Variants in TSPAN3 observed in about 807,000 individuals in gnomAD.
The protein encoded by TSPAN3 is tetraspanin 3.
TSPAN3 carries 9 observed loss-of-function variants against 31.1 expected under a neutral mutation model. The ratio of observed to expected loss-of-function variants is 0.29; its 90% CI spans 0.17 to 0.50. The LOEUF (loss-of-function observed/expected upper bound fraction) is 0.50. Ranked by LOEUF, TSPAN3 falls within the 20% of genes least tolerant of loss-of-function variation. The pLI is 0.98. For missense variants in TSPAN3, 252 were observed against 313.5 expected, an observed-to-expected ratio of 0.80 and a Z score of 1.48; for synonymous variants, 129 against 114.3, an observed-to-expected ratio of 1.13 and a Z score of -0.82.
At position 77,052,396 on chromosome 15, in the gene TSPAN3, C is replaced by G. The variant is rs2152695670; in HGVS notation, c.658G>C (p.Ala220Pro). Residue 220 changes from alanine to proline, a missense_variant, in exon 6 of 7, where the codon GCA (alanine) becomes CCA (proline). By Grantham distance (27) the Ala-to-Pro change is conservative. Coordinates refer to ENST00000267970, the MANE Select transcript of TSPAN3 (RefSeq NM_005724.6). ...MHVIWAALAFAAIQLLGMLCA... is the reference protein window; with the variant it reads ...MHVIWAALAFPAIQLLGMLCA... ...CAAGCTGTGCTTACCTGAATAGCTG[C>G]AAATGCCAGTGCGGCCCAGATCACA... 2 of 1,614,194 alleles carry G rather than the reference C, an allele frequency of 1.2e-6. No homozygotes were observed. Among genetic ancestry groups the G allele is most frequent in the Non-Finnish European group, 1.7e-6 (2 of 1,180,030 alleles).
chr15:77,053,779 C>CT (rs879353380), intron 4 of TSPAN3, among the ~76,000 whole-genome samples: 11 of 151,812 alleles, frequency 7.2e-5, no homozygotes, highest in Non-Finnish European at 8.8e-5. Flanking sequence ...TCCATAACAA[C>CT]TTTTTTTTGA....
chr15:77,058,432 G>T (rs1234459318), intron 1 of TSPAN3, among the ~76,000 whole-genome samples: 1 of 152,176 alleles, frequency 6.6e-6, no homozygotes, highest in Non-Finnish European at 1.5e-5. Flanking sequence ...GGAACTCCTT[G>T]TCGCTCATTA....
chr15:77,057,039 G>A (rs1371999292), intron 1 of TSPAN3, among the ~76,000 whole-genome samples: 1 of 152,202 alleles, frequency 6.6e-6, no homozygotes, highest in East Asian at 1.9e-4. Context: ...AAGACCTAAA[G>A]GGAAAGTGAA....
In TSPAN3 at chr15:77,046,119, A is replaced by C; in HGVS notation, c.*716T>G. 1 of 308,858 alleles carries C rather than the reference A, an allele frequency of 3.2e-6. No individual in the cohort carries two copies. The highest frequency in any genetic ancestry group is 5.0e-5 in the East Asian group (1 of 19,836). The allele number at this position is 308,858 out of a possible 1,614,324, so 19.1% of individuals were successfully genotyped here. On this transcript the variant is annotated 3_prime_UTR_variant, in exon 7 of 7. Transcript: ENST00000267970. ...CTATTTTGCTAGTCTACATGGGTAC[A>C]TTATTTCCAACAAGCTTAAGACTTA...
At position 77,069,428 on chromosome 15, in the gene TSPAN3, T is replaced by A. The variant is rs555227423; in HGVS notation, c.63+1464A>T. Among the ~76,000 whole-genome samples, 14 of 152,238 alleles carry A rather than the reference T, an allele frequency of 9.2e-5. No individual in the cohort carries two copies. In the South Asian group the frequency reaches 1.5e-3, roughly 16 times the overall value. On this transcript the variant is annotated intron_variant, in intron 1 of 6. Coordinates refer to ENST00000267970, the MANE Select transcript of TSPAN3 (RefSeq NM_005724.6). The stretch of plus-strand genomic sequence containing the variant: ...TATATGTGCATTTCATTCTTCACAA[T>A]AAACTCAAGAAACTGAAAAAATAAA...
Position 77,070,921 on chromosome 15 carries a change from C to T in TSPAN3, c.34G>A (p.Val12Met), listed in dbSNP as rs111428129. 5,652 of 1,435,182 alleles carry T rather than the reference C, an allele frequency of 3.9e-3. 30 individuals are homozygous for T. Among genetic ancestry groups the T allele is most frequent in the Non-Finnish European group, 4.0e-3 (4,301 of 1,085,250 alleles). 88.9% of individuals were successfully genotyped at this position (1,435,182 alleles called of 1,614,324 possible). The change falls in exon 1 of 7, where the codon GTG (valine) becomes ATG (methionine). Residue 12 changes from valine to methionine, a missense_variant. By Grantham distance (21) the Val-to-Met change is conservative. Coordinates refer to ENST00000267970, the MANE Select transcript of TSPAN3 (RefSeq NM_005724.6). ...AAGATGAGGTTGAGAAAGACCAGCA[C>T]GGTCTTGGAGGAGGTGATGCCGCAC... ...GQCGITSSKT[V>M]LVFLNLIFWG...
At chr15:77,070,327 T>C (rs1474212049) in intron 1 of TSPAN3, among the ~76,000 whole-genome samples, 1 of 152,218 alleles carries the variant, frequency 6.6e-6, no homozygotes, top group Non-Finnish European at 1.5e-5. Context: ...CAATGGATTA[T>C]TTGGCTCCTC....
intron 4 of TSPAN3, 63 bp from the exon 5 acceptor site, chr15:77,052,992 T>C (rs1440241702): frequency 4.0e-6 from 6 of 1,487,832 alleles, no homozygotes; most frequent in African/African-American, 1.4e-5. Context: ...TTCCATGTAC[T>C]ACAGAGCTTT....
At chr15:77,068,177 A>G (rs1284013013) in intron 1 of TSPAN3, 2 of 152,316 alleles carry the variant, frequency 1.3e-5, no homozygotes, top group Non-Finnish European at 1.5e-5. Context: ...CTGTTTCCTC[A>G]TTAGCTACAT....
intron 1 of TSPAN3, among the ~76,000 whole-genome samples, chr15:77,069,128 G>A (rs1322126754): frequency 6.6e-6 from 1 of 152,150 alleles, no homozygotes; most frequent in Non-Finnish European, 1.5e-5. Context: ...TGGGCTCTCA[G>A]GTTGTAGAAA....
Position 77,052,382 on chromosome 15 carries a change from T to C in TSPAN3, c.669+3A>G. The stretch of plus-strand genomic sequence containing the variant: ...ATAGAACTCCTTGGCAAGCTGTGCT[T>C]ACCTGAATAGCTGCAAATGCCAGTG... On this transcript the variant is annotated splice_donor_region_variant and intron_variant, in intron 6 of 6. Coordinates refer to ENST00000267970, the MANE Select transcript of TSPAN3 (RefSeq NM_005724.6). 1 of 1,614,126 alleles carries C rather than the reference T, an allele frequency of 6.2e-7. No individual in the cohort carries two copies. Among genetic ancestry groups the C allele is most frequent in the Non-Finnish European group, 8.5e-7 (1 of 1,179,948 alleles).
chr15:77,061,261 C>T (rs2076798863), intron 1 of TSPAN3, among the ~76,000 whole-genome samples: 1 of 152,202 alleles, frequency 6.6e-6, no homozygotes, highest in African/African-American at 2.4e-5. Flanking sequence ...GGCGCAGTAG[C>T]TCACACCAGT....
intron 1 of TSPAN3, among the ~76,000 whole-genome samples, chr15:77,059,969 T>G (rs1410079518): frequency 6.6e-6 from 1 of 152,136 alleles, no homozygotes; most frequent in African/African-American, 2.4e-5. Context: ...CATCTGAAAC[T>G]GAGACTACAA....
chr15:77,055,172 C>A (rs1002791607), intron 3 of TSPAN3: 6 of 151,960 alleles, frequency 3.9e-5, no homozygotes, highest in Non-Finnish European at 4.4e-5. Context: ...TAAAATTATA[C>A]CCATATTAAT....
chr15:77,060,643 G>T (rs537390970), intron 1 of TSPAN3, among the ~76,000 whole-genome samples: 2 of 152,222 alleles, frequency 1.3e-5, no homozygotes, highest in South Asian at 4.2e-4. Context: ...GAAGGGCCAT[G>T]ATGGGATTGA....
chr15:77,047,186 A>G (rs2076698637), intron 6 of TSPAN3, among the ~76,000 whole-genome samples: 1 of 152,194 alleles, frequency 6.6e-6, no homozygotes, highest in Non-Finnish European at 1.5e-5. Context: ...CATCCCCACT[A>G]CTAGTCTAGC....
chr15:77,070,586 G>T (rs567197491), intron 1 of TSPAN3, among the ~76,000 whole-genome samples: 17 of 151,748 alleles, frequency 1.1e-4, no homozygotes, highest in African/African-American at 3.9e-4. Context: ...CGACTCCGGG[G>T]GGGGGAGACT....
At chr15:77,052,968 C>T in intron 4 of TSPAN3, 39 bp from the exon 5 acceptor site, 1 of 1,582,990 alleles carries the variant, frequency 6.3e-7, no homozygotes, top group Non-Finnish European at 8.6e-7. Flanking sequence ...CTCACAAAAA[C>T]CAAATACCTG....
At chr15:77,052,711 T>C (rs766264891) in intron 5 of TSPAN3, 66 bp downstream of exon 5, 15 of 1,555,416 alleles carry the variant, frequency 9.6e-6, no homozygotes, top group Non-Finnish European at 1.2e-5. Context: ...AAGTCCCAGA[T>C]GGTGATAAGA....
Sources: allele counts gnomAD v4.1 joint callset (sites outside exome capture counted in the v4.1 genomes callset), GRCh38; gene constraint gnomAD v4.1.1; transcripts MANE v1.5; gene names NCBI Gene and HGNC (gene_info 2026-07-23, HGNC 2026-07-21).